The following MAGI2 variants were observed in gnomAD, a reference collection of about 807,000 sequenced individuals.
MAGI2 encodes membrane associated guanylate kinase, WW and PDZ domain containing 2.
A neutral mutation model predicts 133.3 loss-of-function variants in MAGI2; 35 were observed. The ratio of observed to expected loss-of-function variants is 0.26; its 90% CI spans 0.20 to 0.35. The LOEUF (loss-of-function observed/expected upper bound fraction) is 0.35, where lower values mean the gene tolerates loss of function less well. MAGI2 is among the 10% of genes least tolerant of loss of function. The pLI is 1.00. For synonymous variants in MAGI2, 729 were observed against 710.6 expected (o/e 1.03, Z -0.41); for missense variants, 1,636 against 1,863.4 (o/e 0.88, Z 2.25).
intron 6 of MAGI2, among the ~76,000 whole-genome samples, chr7:78,442,288 A>G (rs1241412173): frequency 3.3e-5 from 5 of 152,184 alleles, no homozygotes; most frequent in Non-Finnish European, 5.9e-5. Flanking sequence ...ATTGAAAATC[A>G]TTTGATGATA....
At chr7:79,374,995 A>G (rs963154556) in intron 1 of MAGI2, among the ~76,000 whole-genome samples, 3 of 151,870 alleles carry the variant, frequency 2.0e-5, no homozygotes, top group Non-Finnish European at 2.9e-5. Context: ...CACTCAATAA[A>G]TGCTGGTTCC....
chr7:78,872,039 T>C (rs1195604644), intron 2 of MAGI2, among the ~76,000 whole-genome samples: 2 of 151,992 alleles, frequency 1.3e-5, no homozygotes, highest in Non-Finnish European at 2.9e-5. Flanking sequence ...ACAACCTTTT[T>C]TTTTTCTTTC....
intron 15 of MAGI2, among the ~76,000 whole-genome samples, chr7:78,164,014 T>C (rs1825371782): frequency 1.3e-5 from 2 of 152,282 alleles, no homozygotes; most frequent in Admixed American, 1.3e-4. Context: ...TGGCTGGAGC[T>C]CAGTGATGGC....
intron 1 of MAGI2, among the ~76,000 whole-genome samples, chr7:79,053,047 A>G (rs985858144): frequency 2.0e-5 from 3 of 152,020 alleles, no homozygotes; most frequent in African/African-American, 7.2e-5. Context: ...ATCTCGGCTC[A>G]CTGCAACCTC....
chr7:78,328,812 T>C (rs1048944693), intron 9 of MAGI2, among the ~76,000 whole-genome samples: 1 of 151,910 alleles, frequency 6.6e-6, no homozygotes. Context: ...CCATCCCCCA[T>C]AGTCAGATAA....
chr7:78,584,769 C>T (rs1306886229), intron 3 of MAGI2, among the ~76,000 whole-genome samples: 10 of 152,196 alleles, frequency 6.6e-5, no homozygotes, highest in African/African-American at 2.4e-4. Flanking sequence ...CTTCGGATAT[C>T]AGCCAAACCT....
At chr7:78,037,732 T>A (rs1240210468) in intron 21 of MAGI2, among the ~76,000 whole-genome samples, 6 of 152,178 alleles carry the variant, frequency 3.9e-5, no homozygotes, top group Non-Finnish European at 1.5e-5. Flanking sequence ...AAAACCCTCC[T>A]GTGTCAGCAA....
chr7:78,224,383 T>A (rs1172598949), intron 10 of MAGI2, among the ~76,000 whole-genome samples: 1 of 152,146 alleles, frequency 6.6e-6, no homozygotes, highest in Non-Finnish European at 1.5e-5. Context: ...GCTCTTTTTT[T>A]GACCAGGCGC....
At chr7:78,742,782 G>T (rs1032114063) in intron 2 of MAGI2, among the ~76,000 whole-genome samples, 1 of 152,126 alleles carries the variant, frequency 6.6e-6, no homozygotes, top group African/African-American at 2.4e-5. Context: ...CTCAACTGAT[G>T]CAGTGTGACT....
intron 15 of MAGI2, among the ~76,000 whole-genome samples, chr7:78,161,973 G>A (rs139254956): frequency 1.3e-3 from 181 of 141,414 alleles, no homozygotes; most frequent in African/African-American, 4.4e-3. Context: ...CTTGTAAAAT[G>A]TACCCTCCCT....
chr7:79,398,413 T>C (rs1407311038), intron 1 of MAGI2, among the ~76,000 whole-genome samples: 1 of 152,248 alleles, frequency 6.6e-6, no homozygotes, highest in Non-Finnish European at 1.5e-5. Flanking sequence ...CATCTTCTCA[T>C]ATTCAGTGGG....
At chr7:79,250,524 T>C (rs1833168690) in intron 1 of MAGI2, among the ~76,000 whole-genome samples, 1 of 152,022 alleles carries the variant, frequency 6.6e-6, no homozygotes, top group Non-Finnish European at 1.5e-5. Flanking sequence ...TGGAATAAAA[T>C]ATCTGGAAAT....
At chr7:78,350,003 T>A (rs1791335252) in intron 7 of MAGI2, 1 of 152,238 alleles carries the variant, frequency 6.6e-6, no homozygotes, top group South Asian at 2.1e-4. Flanking sequence ...GAGTTCTTGC[T>A]ATTTAATTAT....
At chr7:78,161,573 G>A (rs1389193090) in intron 15 of MAGI2, among the ~76,000 whole-genome samples, 2 of 149,272 alleles carry the variant, frequency 1.3e-5, no homozygotes, top group East Asian at 2.0e-4. Flanking sequence ...TCCAATGAAG[G>A]CTCTTAACCT....
At chr7:79,386,453 T>C (rs1033853459) in intron 1 of MAGI2, among the ~76,000 whole-genome samples, 1 of 152,024 alleles carries the variant, frequency 6.6e-6, no homozygotes, top group Non-Finnish European at 1.5e-5. Context: ...TTGGCTGTGA[T>C]TGACAGCAGA....
At chr7:78,683,563 T>C (rs1457050987) in intron 2 of MAGI2, among the ~76,000 whole-genome samples, 1 of 152,200 alleles carries the variant, frequency 6.6e-6, no homozygotes, top group East Asian at 1.9e-4. Context: ...CCTGGTTTCC[T>C]AATCCTGCTT....
At chr7:79,285,360 C>T (rs1275790773) in intron 1 of MAGI2, among the ~76,000 whole-genome samples, 2 of 151,986 alleles carry the variant, frequency 1.3e-5, no homozygotes, top group African/African-American at 4.8e-5. Context: ...CAAGAGAGAG[C>T]TCATACTGAT....
chr7:78,946,187 T>C (rs1048923227), intron 2 of MAGI2, among the ~76,000 whole-genome samples: 1 of 152,112 alleles, frequency 6.6e-6, no homozygotes, highest in African/African-American at 2.4e-5. Flanking sequence ...TTTAAAATAC[T>C]ATAGAATTTT....
intron 1 of MAGI2, among the ~76,000 whole-genome samples, chr7:79,430,971 A>C (rs2129186715): frequency 6.6e-6 from 1 of 152,330 alleles, no homozygotes; most frequent in African/African-American, 2.4e-5. Context: ...AAGACCGATA[A>C]GCTTGAATGT....
Sources: allele counts gnomAD v4.1 joint callset (sites outside exome capture counted in the v4.1 genomes callset), GRCh38; gene constraint gnomAD v4.1.1; transcripts MANE v1.5; gene names NCBI Gene and HGNC (gene_info 2026-07-23, HGNC 2026-07-21).